Variants in SLC4A10 observed in about 807,000 individuals in gnomAD.
SLC4A10 encodes sodium-driven chloride bicarbonate exchanger.
A neutral mutation model predicts 137.7 loss-of-function variants in SLC4A10; 42 were observed. The observed-to-expected ratio is 0.30, with a 90% confidence interval of 0.24 to 0.39. The LOEUF is 0.39. SLC4A10 is among the 10% of genes least tolerant of loss of function. The pLI is 1.00. For missense variants in SLC4A10, 925 were observed against 1,355.0 expected, an observed-to-expected ratio of 0.68 and a Z score of 4.98; for synonymous variants, 474 against 464.1, an observed-to-expected ratio of 1.02 and a Z score of -0.27.
At chr2:161,871,869 G>T (rs576644970) in intron 6 of SLC4A10, among the ~76,000 whole-genome samples, 1 of 152,162 alleles carries the variant, frequency 6.6e-6, no homozygotes, top group East Asian at 1.9e-4. Flanking sequence ...GTAATTTTCA[G>T]ATAAATATCC....
At chr2:161,691,806 A>G (rs1025736431) in intron 1 of SLC4A10, among the ~76,000 whole-genome samples, 4 of 152,166 alleles carry the variant, frequency 2.6e-5, no homozygotes, top group Admixed American at 2.0e-4. Context: ...GAATGTTTAT[A>G]TATTCAAATT....
intron 9 of SLC4A10, among the ~76,000 whole-genome samples, chr2:161,880,921 G>A (rs1393649113): frequency 6.6e-6 from 1 of 152,016 alleles, no homozygotes; most frequent in African/African-American, 2.4e-5. Context: ...AAGCCGTGAT[G>A]GGGTTATATA....
intron 15 of SLC4A10, among the ~76,000 whole-genome samples, chr2:161,927,053 C>T (rs1195570515): frequency 1.3e-5 from 2 of 152,064 alleles, no homozygotes; most frequent in African/African-American, 2.4e-5. Context: ...TTGGTATTCT[C>T]GAGGAGTATC....
intron 3 of SLC4A10, among the ~76,000 whole-genome samples, chr2:161,834,757 C>T (rs534724087): frequency 6.6e-6 from 1 of 152,096 alleles, no homozygotes; most frequent in African/African-American, 2.4e-5. Context: ...AACCATCAAT[C>T]ACTCATTCCA....
chr2:161,960,455 C>T (rs979211442), intron 21 of SLC4A10, among the ~76,000 whole-genome samples: 1 of 151,036 alleles, frequency 6.6e-6, no homozygotes, highest in African/African-American at 2.4e-5. Flanking sequence ...GAAGGCCAGG[C>T]ACGGTCAGCT....
chr2:161,721,105 A>C (rs1229893217), intron 1 of SLC4A10, among the ~76,000 whole-genome samples: 1 of 152,178 alleles, frequency 6.6e-6, no homozygotes, highest in Non-Finnish European at 1.5e-5. Context: ...CTTGGATTAC[A>C]GGCATGAGCC....
chr2:161,782,186 A>T (rs528819749), intron 2 of SLC4A10, among the ~76,000 whole-genome samples: 3 of 152,104 alleles, frequency 2.0e-5, no homozygotes, highest in Admixed American at 1.3e-4. Flanking sequence ...ACATACATTA[A>T]ACTTTCTGGG....
chr2:161,695,022 G>T (rs915515817), intron 1 of SLC4A10, among the ~76,000 whole-genome samples: 1 of 151,900 alleles, frequency 6.6e-6, no homozygotes, highest in African/African-American at 2.4e-5. Context: ...ATGTGAAATT[G>T]TAACTAAGCA....
At chr2:161,965,283 T>C in intron 23 of SLC4A10, 110 bp downstream of exon 23, 1 of 1,126,336 alleles carries the variant, frequency 8.9e-7, no homozygotes, top group Non-Finnish European at 1.2e-6. Flanking sequence ...CTTTAGACAG[T>C]GATCACTAAC....
intron 3 of SLC4A10, among the ~76,000 whole-genome samples, chr2:161,815,849 C>T (rs2057008443): frequency 6.6e-6 from 1 of 152,086 alleles, no homozygotes; most frequent in African/African-American, 2.4e-5. Flanking sequence ...GATTCTCCCT[C>T]TTATTTTTTG....
chr2:161,632,319 G>T (rs1198259358), intron 1 of SLC4A10, among the ~76,000 whole-genome samples: 1 of 150,932 alleles, frequency 6.6e-6, no homozygotes, highest in African/African-American at 2.4e-5. Flanking sequence ...TCACAAAGTG[G>T]TGAATTTCTG....
chr2:161,665,259 G>A (rs563801246), intron 1 of SLC4A10, among the ~76,000 whole-genome samples: 8 of 151,820 alleles, frequency 5.3e-5, no homozygotes, highest in East Asian at 3.9e-4. Context: ...AGTTCCTTGC[G>A]TTTTCAAGAT....
intron 23 of SLC4A10, among the ~76,000 whole-genome samples, chr2:161,967,268 TGTGA>T (rs1490040995): frequency 7.2e-5 from 11 of 152,272 alleles, no homozygotes; most frequent in African/African-American, 2.6e-4. Flanking sequence ...TGGGTGTGTG[TGTGA>T]GTGTGTGCTG....
intron 1 of SLC4A10, among the ~76,000 whole-genome samples, chr2:161,655,999 A>G (rs1234829905): frequency 6.6e-6 from 1 of 151,934 alleles, no homozygotes; most frequent in Non-Finnish European, 1.5e-5. Flanking sequence ...TTTTTAGTAG[A>G]GATGGGGTTT....
At chr2:161,941,912 A>T (rs1398700999) in intron 15 of SLC4A10, among the ~76,000 whole-genome samples, 4 of 152,142 alleles carry the variant, frequency 2.6e-5, no homozygotes, top group Non-Finnish European at 5.9e-5. Flanking sequence ...CCCTAGTGAG[A>T]GCAAGAACCA....
intron 8 of SLC4A10, among the ~76,000 whole-genome samples, chr2:161,875,743 A>T (rs904488641): frequency 1.3e-5 from 2 of 152,230 alleles, no homozygotes; most frequent in African/African-American, 4.8e-5. Flanking sequence ...TATGAAACAT[A>T]TTAGAGAGAG....
chr2:161,852,687 A>G (rs1035780226), intron 4 of SLC4A10, among the ~76,000 whole-genome samples: 3 of 152,214 alleles, frequency 2.0e-5, no homozygotes, highest in African/African-American at 7.2e-5. Flanking sequence ...AGATCTTTGA[A>G]CTGAAAAGGA....
At chr2:161,675,856 A>G (rs553234917) in intron 1 of SLC4A10, among the ~76,000 whole-genome samples, 5 of 152,344 alleles carry the variant, frequency 3.3e-5, no homozygotes, top group Admixed American at 2.0e-4. Context: ...TTCAATATAA[A>G]CATCTTATAT....
At chr2:161,729,617 A>T (rs1175040625) in intron 1 of SLC4A10, among the ~76,000 whole-genome samples, 1 of 151,622 alleles carries the variant, frequency 6.6e-6, no homozygotes. Flanking sequence ...AATAAAGCGA[A>T]TTTTTTTTTC....
Sources: allele counts gnomAD v4.1 joint callset (sites outside exome capture counted in the v4.1 genomes callset), GRCh38; gene constraint gnomAD v4.1.1; transcripts MANE v1.5; gene names NCBI Gene and HGNC (gene_info 2026-07-23, HGNC 2026-07-21).